Variants in RHOU observed in about 807,000 individuals in gnomAD.
The protein encoded by RHOU is rho-related GTP-binding protein RhoU.
RHOU carries 8 observed loss-of-function variants against 12.6 expected under a neutral mutation model. The ratio of observed to expected loss-of-function variants is 0.64; its 90% CI spans 0.37 to 1.15. RHOU has a LOEUF of 1.15. RHOU is among the 50% of genes most tolerant of loss of function. RHOU has a pLI of 0.01. For missense variants in RHOU, 258 were observed against 347.0 expected, an observed-to-expected ratio of 0.74 and a Z score of 2.04; for synonymous variants, 161 against 147.4, an observed-to-expected ratio of 1.09 and a Z score of -0.67.
chr1:228,719,063 G>A, the RHOU span, among the ~76,000 whole-genome samples: 4 of 152,170 alleles, frequency 2.6e-5, no homozygotes, highest in South Asian at 8.3e-4. Flanking sequence ...TATGTTGGAG[G>A]GGGTATATGA....
the RHOU span, among the ~76,000 whole-genome samples, chr1:228,725,361 G>T: frequency 1.4e-4 from 22 of 152,110 alleles, no homozygotes; most frequent in Non-Finnish European, 3.2e-4. Context: ...AGGTACAGAG[G>T]TCTGGGATTC....
At chr1:228,649,962 G>A in the RHOU span, among the ~76,000 whole-genome samples, 2,325 of 152,202 alleles carry the variant, frequency 0.015, 61 homozygotes, top group African/African-American at 0.052. Flanking sequence ...CCAGTTTCTT[G>A]TCAATTTCTG....
chr1:228,691,743 G>A, the RHOU span, among the ~76,000 whole-genome samples: 1 of 152,104 alleles, frequency 6.6e-6, no homozygotes, highest in Non-Finnish European at 1.5e-5. Context: ...AAGTTTTGCA[G>A]GCTATAATTT....
At chr1:228,699,806 G>C in the RHOU span, among the ~76,000 whole-genome samples, 1 of 152,008 alleles carries the variant, frequency 6.6e-6, no homozygotes, top group South Asian at 2.1e-4. Flanking sequence ...TACTATTATA[G>C]CATCAGTTTT....
chr1:228,714,172 G>A, the RHOU span, among the ~76,000 whole-genome samples: 33 of 152,032 alleles, frequency 2.2e-4, no homozygotes, highest in African/African-American at 8.0e-4. Context: ...TGAATTGCTG[G>A]AATAATTGCC....
intron 2 of RHOU, among the ~76,000 whole-genome samples, chr1:228,741,623 AT>A (rs1662721713): frequency 6.6e-6 from 1 of 152,070 alleles, no homozygotes; most frequent in South Asian, 2.1e-4. Flanking sequence ...TTCTGTGTTT[AT>A]TTATTCATCA....
chr1:228,719,704 C>T, the RHOU span, among the ~76,000 whole-genome samples: 7 of 151,966 alleles, frequency 4.6e-5, no homozygotes, highest in South Asian at 6.2e-4. Flanking sequence ...CACTCCAGCC[C>T]GGGCGACAGA....
Position 228,737,753 on chromosome 1 carries a change from A to G in RHOU, c.321+22A>G. 1 of 1,612,992 alleles carries G rather than the reference A, an allele frequency of 6.2e-7. No individual in the cohort carries two copies. The highest frequency in any genetic ancestry group is 1.1e-5 in the South Asian group (1 of 91,040). ...ACAGGTCAGTATCACGTTACAGCTC[A>G]GTGCTGGGAAAGGAAACAGCCTTTT... On this transcript the variant is annotated intron_variant, in intron 2 of 2. Transcript: ENST00000366691. The surrounding 1 kb of genome is among the most constrained non-coding windows in gnomAD (Gnocchi z 4.1).
the RHOU span, among the ~76,000 whole-genome samples, chr1:228,728,899 C>CCT: frequency 7.0e-6 from 1 of 141,850 alleles, no homozygotes; most frequent in African/African-American, 2.6e-5. Flanking sequence ...CTTTTCTTTT[C>CCT]TTTTTTTTTT....
the RHOU span, among the ~76,000 whole-genome samples, chr1:228,656,825 C>A: frequency 6.6e-6 from 1 of 152,100 alleles, no homozygotes; most frequent in Non-Finnish European, 1.5e-5. Flanking sequence ...GAAGTAAGTT[C>A]TTCCTTATCA....
the RHOU span, chr1:228,651,096 A>G: frequency 2.6e-5 from 6 of 231,306 alleles, no homozygotes; most frequent in Admixed American, 2.9e-4. Context: ...GAGGCCTTCA[A>G]TTATGTCAAG....
chr1:228,650,106 C>T, the RHOU span: 1 of 433,396 alleles, frequency 2.3e-6, no homozygotes, highest in African/African-American at 2.1e-5. Context: ...AACAGGTACT[C>T]TTGAATACAG....
the RHOU span, among the ~76,000 whole-genome samples, chr1:228,677,865 G>T: frequency 1.3e-5 from 2 of 152,144 alleles, no homozygotes; most frequent in Admixed American, 6.5e-5. Context: ...ATAAAGGCAG[G>T]CCCGTTATTG....
chr1:228,734,015 C>T (rs752949643), upstream of RHOU, among the ~76,000 whole-genome samples: 1 of 152,108 alleles, frequency 6.6e-6, no homozygotes, highest in African/African-American at 2.4e-5. Flanking sequence ...TCCCCCTTAT[C>T]TCACCTTCAT....
chr1:228,661,070 G>T, the RHOU span, among the ~76,000 whole-genome samples: 1 of 151,990 alleles, frequency 6.6e-6, no homozygotes, highest in South Asian at 2.1e-4. Context: ...AATCATGAGT[G>T]AACTCCCATT....
the RHOU span, among the ~76,000 whole-genome samples, chr1:228,669,916 C>T: frequency 1.2e-4 from 18 of 152,174 alleles, no homozygotes; most frequent in African/African-American, 3.9e-4. Flanking sequence ...GATTAAAGAA[C>T]GACCACAAGA....
chr1:228,745,428 G>A lies in RHOU; in HGVS notation c.*1688G>A, dbSNP rs1012109864. 1.3e-5 allele frequency: 2 copies of A among 152,172 alleles called. No homozygotes were observed. Among genetic ancestry groups the A allele is most frequent in the African/African-American group, 4.8e-5 (2 of 41,436 alleles). 9.4% of individuals were successfully genotyped at this position (152,172 alleles called of 1,614,324 possible). On this transcript the variant is annotated 3_prime_UTR_variant, in exon 3 of 3. Transcript: ENST00000366691. Reference sequence around the variant, plus strand: ...TGTGTTGTCTTTTTTATGTTAAAAAGAAATCCAGTTTGTGTTTTTCTATAG... The same window carrying A: ...TGTGTTGTCTTTTTTATGTTAAAAAAAAATCCAGTTTGTGTTTTTCTATAG...
chr1:228,693,212 T>C, the RHOU span, among the ~76,000 whole-genome samples: 14 of 152,242 alleles, frequency 9.2e-5, no homozygotes, highest in African/African-American at 2.9e-4. Flanking sequence ...AGGTGTTTTT[T>C]ATTTGCAATT....
the RHOU span, among the ~76,000 whole-genome samples, chr1:228,647,217 G>C: frequency 2.4e-4 from 37 of 152,312 alleles, no homozygotes; most frequent in African/African-American, 8.4e-4. Flanking sequence ...TTTTTTCTTG[G>C]ATGAATTGCT....
Sources: gnomAD v4.1 joint callset for allele counts (sites outside exome capture counted in the v4.1 genomes callset) on GRCh38, gnomAD v4.1.1 for gene constraint, Gnocchi (gnomAD v3.1) non-coding constraint, MANE v1.5 for transcripts, NCBI Gene and HGNC (gene_info 2026-07-23, HGNC 2026-07-21) for gene names.